GNB4: variants seen among roughly 807,000 people sequenced by gnomAD.
GNB4 encodes G protein subunit beta 4, also known as guanine nucleotide-binding protein subunit beta-4.
GNB4 carries 28 observed loss-of-function variants against 45.2 expected under a neutral mutation model. That is an observed-to-expected ratio of 0.62 (90% CI 0.46 to 0.85). The LOEUF is 0.85. Ranked by LOEUF, GNB4 falls within the 40% of genes least tolerant of loss-of-function variation. The pLI, the probability that GNB4 is intolerant of heterozygous loss-of-function variation, is 0.00. For missense variants in GNB4, 321 were observed against 425.4 expected (o/e 0.75, Z 2.16); for synonymous variants, 132 against 143.7 (o/e 0.92, Z 0.58).
chr3:179,491,673 T>C, the GNB4 span, among the ~76,000 whole-genome samples: 1 of 152,020 alleles, frequency 6.6e-6, no homozygotes, highest in Non-Finnish European at 1.5e-5. Context: ...CAAAATGGAG[T>C]TGTAGCCATC....
the GNB4 span, among the ~76,000 whole-genome samples, chr3:179,477,002 A>G: frequency 1.3e-5 from 2 of 152,210 alleles, no homozygotes; most frequent in Admixed American, 6.5e-5. Flanking sequence ...GCAGCAAGCC[A>G]ATAGAAGGTG....
chr3:179,426,264 G>A, intron 1 of GNB4, 22 bp from the exon 2 acceptor site: 1 of 1,245,834 alleles, frequency 8.0e-7, no homozygotes, highest in Non-Finnish European at 1.1e-6. Flanking sequence ...CAGAGAGCAA[G>A]AGAAAGATTC....
chr3:179,490,414 C>T, the GNB4 span, among the ~76,000 whole-genome samples: 8 of 151,968 alleles, frequency 5.3e-5, no homozygotes, highest in African/African-American at 9.7e-5. Context: ...CAGATAGGTA[C>T]GTAGGTAGGT....
At chr3:179,515,409 G>A in the GNB4 span, among the ~76,000 whole-genome samples, 1 of 152,186 alleles carries the variant, frequency 6.6e-6, no homozygotes, top group Non-Finnish European at 1.5e-5. Flanking sequence ...AAGAGTCAGT[G>A]AAGGGAGATA....
At chr3:179,406,615 T>TG (rs1714477093) in intron 8 of GNB4, among the ~76,000 whole-genome samples, 1 of 151,900 alleles carries the variant, frequency 6.6e-6, no homozygotes, top group African/African-American at 2.4e-5. Context: ...TTTAATTACT[T>TG]TTTTTTGTTA....
chr3:179,427,632 T>C (rs1406568497), intron 1 of GNB4, among the ~76,000 whole-genome samples: 1 of 143,134 alleles, frequency 7.0e-6, no homozygotes, highest in East Asian at 2.2e-4. Flanking sequence ...AAAAAAGATG[T>C]AAAGTTCCTT....
the GNB4 span, among the ~76,000 whole-genome samples, chr3:179,469,563 G>A: frequency 6.6e-6 from 1 of 152,140 alleles, no homozygotes; most frequent in African/African-American, 2.4e-5. Context: ...AAAATAAGAT[G>A]CAGACTAAGT....
At chr3:179,504,923 C>T in the GNB4 span, among the ~76,000 whole-genome samples, 1 of 152,130 alleles carries the variant, frequency 6.6e-6, no homozygotes, top group Non-Finnish European at 1.5e-5. Flanking sequence ...CTGGAGGATG[C>T]TTGCCCACAT....
upstream of GNB4, among the ~76,000 whole-genome samples, chr3:179,452,876 A>G (rs1715919849): frequency 6.6e-6 from 1 of 152,196 alleles, no homozygotes; most frequent in South Asian, 2.1e-4. Context: ...TGTTTTAATG[A>G]TTAAATCCTG....
At chr3:179,506,295 G>A in the GNB4 span, among the ~76,000 whole-genome samples, 1 of 152,050 alleles carries the variant, frequency 6.6e-6, no homozygotes, top group Non-Finnish European at 1.5e-5. Context: ...CTGAGATTGT[G>A]CCACTGCACT....
chr3:179,507,989 A>G, the GNB4 span, among the ~76,000 whole-genome samples: 1 of 152,182 alleles, frequency 6.6e-6, no homozygotes, highest in Non-Finnish European at 1.5e-5. Flanking sequence ...AAGTTGACCA[A>G]TTTTGATACT....
At chr3:179,521,069 A>G in the GNB4 span, among the ~76,000 whole-genome samples, 1 of 152,172 alleles carries the variant, frequency 6.6e-6, no homozygotes, top group South Asian at 2.1e-4. Context: ...TGCCCCACCC[A>G]GGACTGGCAA....
chr3:179,413,330 G>T, intron 8 of GNB4, 82 bp downstream of exon 8: 1 of 1,038,728 alleles, frequency 9.6e-7, no homozygotes, highest in Non-Finnish European at 1.5e-6. Context: ...ATCCTTGAAG[G>T]CAATTTGTTG....
Position 179,397,677 on chromosome 3 carries a change from A to G in GNB4, c.*3536T>C, listed in dbSNP as rs1714160162. ...ATATTCAGTCTACATCTCAAACAGC[A>G]TAGCTGCCAAAAATGAGGCCTGTCC... On this transcript the variant is annotated 3_prime_UTR_variant, in exon 10 of 10. Coordinates refer to ENST00000232564, the MANE Select transcript of GNB4 (RefSeq NM_021629.4). 6.5e-6 allele frequency: 1 copy of G among 152,672 alleles called. No individual in the cohort carries two copies. The highest frequency in any genetic ancestry group is 2.4e-5 in the African/African-American group (1 of 41,462). The allele number at this position is 152,672 out of a possible 1,614,324, so 9.5% of individuals were successfully genotyped here. A position where few individuals can be genotyped will look rare whatever the true frequency, so the allele number is the denominator to read the frequency against.
intron 9 of GNB4, 68 bp from the exon 10 acceptor site, chr3:179,401,387 A>AGCGCCCCTCTCCGCGACT: frequency 1.2e-6 from 1 of 851,232 alleles, no homozygotes; most frequent in Admixed American, 2.5e-5. Flanking sequence ...ATATGCAGAG[A>AGCGCCCCTCTCCGCGACT]TTTAAAAGGG....
chr3:179,439,290 G>A (rs756408444), intron 1 of GNB4, among the ~76,000 whole-genome samples: 25 of 152,088 alleles, frequency 1.6e-4, no homozygotes, highest in Non-Finnish European at 2.9e-4. Flanking sequence ...CACTAAACTG[G>A]CACTTTTATA....
the GNB4 span, among the ~76,000 whole-genome samples, chr3:179,512,248 G>A: frequency 6.6e-6 from 1 of 152,224 alleles, no homozygotes; most frequent in South Asian, 2.1e-4. Context: ...CCAAAACTGT[G>A]GCTAAATAAA....
the GNB4 span, among the ~76,000 whole-genome samples, chr3:179,517,523 A>C: frequency 6.6e-6 from 1 of 152,066 alleles, no homozygotes; most frequent in African/African-American, 2.4e-5. Flanking sequence ...CCTTTGGGAG[A>C]TCAATCTCCT....
At chr3:179,407,080 C>T (rs1283674928) in intron 8 of GNB4, among the ~76,000 whole-genome samples, 1 of 152,114 alleles carries the variant, frequency 6.6e-6, no homozygotes, top group Non-Finnish European at 1.5e-5. Context: ...CCTTAAAAAA[C>T]TAAAAACAAC....
Sources: gnomAD v4.1 joint callset for allele counts (sites outside exome capture counted in the v4.1 genomes callset) on GRCh38, gnomAD v4.1.1 for gene constraint, MANE v1.5 for transcripts, NCBI Gene and HGNC (gene_info 2026-07-23, HGNC 2026-07-21) for gene names.